DACH1: variants seen among roughly 807,000 people sequenced by gnomAD.
DACH1 encodes dachshund homolog 1.
Under a neutral mutation model 54.2 loss-of-function variants are expected in DACH1, and 12 were observed. That is an observed-to-expected ratio of 0.22 (90% CI 0.14 to 0.36). The LOEUF (loss-of-function observed/expected upper bound fraction) is 0.36. DACH1 is among the 10% of genes least tolerant of loss of function. DACH1 has a pLI of 1.00. For missense variants in DACH1, 805 were observed against 929.8 expected, an observed-to-expected ratio of 0.87 and a Z score of 1.75; for synonymous variants, 386 against 366.2, an observed-to-expected ratio of 1.05 and a Z score of -0.62.
intron 6 of DACH1, among the ~76,000 whole-genome samples, chr13:71,503,998 C>T (rs1264613336): frequency 6.6e-6 from 1 of 152,124 alleles, no homozygotes; most frequent in Non-Finnish European, 1.5e-5. Context: ...GATTCTTTAA[C>T]AGCACAGCTG....
At chr13:71,594,151 A>C (rs1873925205) in intron 3 of DACH1, among the ~76,000 whole-genome samples, 1 of 151,458 alleles carries the variant, frequency 6.6e-6, no homozygotes, top group Non-Finnish European at 1.5e-5. Flanking sequence ...AATCTACTTG[A>C]ATATGGACAT....
intron 3 of DACH1, among the ~76,000 whole-genome samples, chr13:71,619,909 G>T (rs1021226396): frequency 6.6e-6 from 1 of 151,748 alleles, no homozygotes; most frequent in Admixed American, 6.6e-5. Flanking sequence ...TATTCTAGAC[G>T]ATAGCTTTTT....
Position 71,517,592 on chromosome 13 carries a change from G to T in DACH1, c.1571-28444C>A, listed in dbSNP as rs1042295772. Among the ~76,000 whole-genome samples the T allele has an allele frequency of 2.0e-5, 3 of 151,782 alleles. No homozygotes were observed. In the South Asian group the frequency reaches 6.2e-4, roughly 32 times the overall value. On this transcript the variant is annotated intron_variant, in intron 6 of 10. Coordinates refer to ENST00000613252, the MANE Select transcript of DACH1 (RefSeq NM_080759.6). ...GGATTAAATTAACAATAACAAAGGTGCACATGATAAATACCAAATAAACGT... is the reference window on the plus strand; with the variant it reads ...GGATTAAATTAACAATAACAAAGGTTCACATGATAAATACCAAATAAACGT...
intron 2 of DACH1, among the ~76,000 whole-genome samples, chr13:71,665,811 G>A (rs1270560598): frequency 6.6e-6 from 1 of 152,036 alleles, no homozygotes; most frequent in Admixed American, 6.6e-5. Flanking sequence ...AAGTGATAGT[G>A]AAAACAAGAT....
At chr13:71,542,112 T>C (rs897946180) in intron 6 of DACH1, among the ~76,000 whole-genome samples, 4 of 151,756 alleles carry the variant, frequency 2.6e-5, no homozygotes, top group African/African-American at 7.3e-5. Flanking sequence ...TAGCTGGGCA[T>C]GGCAGTGGGC....
At chr13:71,840,106 C>A (rs968571058) in intron 1 of DACH1, among the ~76,000 whole-genome samples, 1 of 151,978 alleles carries the variant, frequency 6.6e-6, no homozygotes, top group African/African-American at 2.4e-5. Context: ...ACCACCACAC[C>A]CAGCTAAGTT....
intron 1 of DACH1, among the ~76,000 whole-genome samples, chr13:71,786,982 GCCAC>G (rs1886619797): frequency 6.6e-6 from 1 of 152,178 alleles, no homozygotes; most frequent in Admixed American, 6.6e-5. Flanking sequence ...TCCTTAGCCA[GCCAC>G]TGTGAGAGAG....
chr13:71,567,030 T>C (rs1884931571), intron 4 of DACH1, among the ~76,000 whole-genome samples: 2 of 152,100 alleles, frequency 1.3e-5, no homozygotes, highest in South Asian at 4.1e-4. Flanking sequence ...AACATCCTGT[T>C]TCCTAATACA....
chr13:71,660,916 A>C (rs191480265), intron 2 of DACH1, among the ~76,000 whole-genome samples: 141 of 151,152 alleles, frequency 9.3e-4, no homozygotes, highest in African/African-American at 2.5e-3. Flanking sequence ...AATGTCCAAT[A>C]TCTAGTGATA....
chr13:71,546,581 TTAGG>T (rs915412165), intron 6 of DACH1, among the ~76,000 whole-genome samples: 4 of 151,974 alleles, frequency 2.6e-5, no homozygotes, highest in Admixed American at 2.0e-4. Context: ...TAATCACCAC[TTAGG>T]TAGAGCTATA....
chr13:71,568,853 T>A (rs1885039936), intron 4 of DACH1, among the ~76,000 whole-genome samples: 1 of 152,034 alleles, frequency 6.6e-6, no homozygotes, highest in Non-Finnish European at 1.5e-5. Flanking sequence ...CAGGTACAGT[T>A]TATAATTATT....
chr13:71,688,798 A>G (rs1881317353), intron 1 of DACH1, among the ~76,000 whole-genome samples: 1 of 152,310 alleles, frequency 6.6e-6, no homozygotes, highest in African/African-American at 2.4e-5. Flanking sequence ...ACATACACAA[A>G]TATGCAAAAT....
intron 6 of DACH1, among the ~76,000 whole-genome samples, chr13:71,521,672 G>A (rs1382263827): frequency 6.6e-6 from 1 of 151,998 alleles, no homozygotes; most frequent in Non-Finnish European, 1.5e-5. Flanking sequence ...GATTCCTCAT[G>A]TCTTTTCTTC....
chr13:71,856,930 G>A (rs996514147), intron 1 of DACH1, among the ~76,000 whole-genome samples: 3 of 151,800 alleles, frequency 2.0e-5, no homozygotes, highest in African/African-American at 4.8e-5. Flanking sequence ...AAAGCTTTTA[G>A]AACAGTCTCT....
chr13:71,858,057 TTAAC>T (rs1874118682), intron 1 of DACH1, among the ~76,000 whole-genome samples: 1 of 151,694 alleles, frequency 6.6e-6, no homozygotes, highest in Non-Finnish European at 1.5e-5. Context: ...TATTTCTTAG[TTAAC>T]ATATTCTAGA....
chr13:71,624,898 C>T (rs1228468525), intron 3 of DACH1, among the ~76,000 whole-genome samples: 1 of 151,886 alleles, frequency 6.6e-6, no homozygotes, highest in East Asian at 1.9e-4. Context: ...CAGCTGTGCA[C>T]TCAATCCGGC....
Position 71,479,214 on chromosome 13 carries a change from T to C in DACH1, c.1825A>G (p.Arg609Gly). 6.2e-7 allele frequency: 1 copy of C among 1,613,806 alleles called. No individual in the cohort carries two copies. The highest frequency in any genetic ancestry group is 8.5e-7 in the Non-Finnish European group (1 of 1,179,872). Residue 609 changes from arginine (R) to glycine (G), a missense_variant, in exon 8 of 11, where the codon AGG becomes GGG. Arg to Gly is a moderately radical substitution (Grantham distance 125, BLOSUM62 -2). Coordinates refer to ENST00000613252, the MANE Select transcript of DACH1 (RefSeq NM_080759.6). ...KMDFLREREL[R>G]ETLEKQLAME... The stretch of plus-strand genomic sequence containing the variant: ...GCCAACTGCTTCTCAAGTGTTTCCC[T>C]TAGTTCTCTTTCCCTTAAAAAATCC...
intron 3 of DACH1, among the ~76,000 whole-genome samples, chr13:71,619,838 T>C (rs1382451782): frequency 6.6e-6 from 1 of 151,902 alleles, no homozygotes; most frequent in Admixed American, 6.6e-5. Flanking sequence ...TGCCAATATG[T>C]ACTAATAGAA....
intron 8 of DACH1, among the ~76,000 whole-genome samples, chr13:71,477,321 C>T (rs1330229358): frequency 9.3e-5 from 14 of 151,206 alleles, no homozygotes; most frequent in Admixed American, 6.6e-5. Flanking sequence ...CGCGGTTTCA[C>T]CTTGTTAGCC....
Sources: allele counts gnomAD v4.1 joint callset (sites outside exome capture counted in the v4.1 genomes callset), GRCh38; gene constraint gnomAD v4.1.1; transcripts MANE v1.5; gene names NCBI Gene and HGNC (gene_info 2026-07-23, HGNC 2026-07-21).